SLC25A18: variants seen among roughly 807,000 people sequenced by gnomAD.
SLC25A18 encodes solute carrier family 25 member 18, also known as mitochondrial glutamate carrier 2.
In SLC25A18, 24 loss-of-function variants were observed where a neutral mutation model predicts 31.1. The ratio of observed to expected loss-of-function variants is 0.77; its 90% confidence interval spans 0.56 to 1.08. The LOEUF is 1.08. Ranked by LOEUF, SLC25A18 falls within the 50% of genes least tolerant of loss-of-function variation. The pLI, the probability that SLC25A18 is intolerant of heterozygous loss-of-function variation, is 0.00. For synonymous variants in SLC25A18, 173 were observed against 161.9 expected, an observed-to-expected ratio of 1.07 and a Z score of -0.52; for missense variants, 371 against 418.5, an observed-to-expected ratio of 0.89 and a Z score of 0.99.
intron 5 of SLC25A18, chr22:17,581,655 T>C: frequency 1.9e-6 from 1 of 530,286 alleles, no homozygotes. Flanking sequence ...CCTCCCTACC[T>C]GCCTGCCTCT....
chr22:17,565,407 G>T (rs2056910624), intron 1 of SLC25A18, among the ~76,000 whole-genome samples: 1 of 151,822 alleles, frequency 6.6e-6, no homozygotes, highest in Admixed American at 6.6e-5. Flanking sequence ...AATAGAGATA[G>T]GGTCTTGCCA....
In SLC25A18 at chr22:17,581,557, G is replaced by A. The variant is rs927925276; in HGVS notation, c.199+144G>A. The A allele has an allele frequency of 1.8e-4, 153 of 872,368 alleles. 1 individual carries two copies. The highest frequency in any genetic ancestry group is 2.4e-4 in the Non-Finnish European group (133 of 564,186). The allele number at this position is 872,368 out of a possible 1,614,324, so 54.0% of individuals were successfully genotyped here. A position where few individuals can be genotyped will look rare whatever the true frequency, so the allele number is the denominator to read the frequency against. On this transcript the variant is annotated intron_variant, in intron 5 of 10. Transcript: ENST00000327451. ...TGATGAGCCTCTGTGCTCTTGGGTG[G>A]AGACAGAGGCAGCTCTGGGTCCTGG...
intron 9 of SLC25A18, 141 bp downstream of exon 9, chr22:17,588,220 G>A: frequency 1.1e-6 from 1 of 921,748 alleles, no homozygotes; most frequent in Non-Finnish European, 1.6e-6. Flanking sequence ...CATGGAGAAA[G>A]TGGGTCCCAA....
At chr22:17,566,120 A>G (rs1480583805) in intron 1 of SLC25A18, among the ~76,000 whole-genome samples, 1 of 152,088 alleles carries the variant, frequency 6.6e-6, no homozygotes, top group African/African-American at 2.4e-5. Context: ...TTTTTGAACC[A>G]TGCTTGTGGG....
intron 7 of SLC25A18, chr22:17,585,227 C>T (rs1241187549): frequency 6.6e-6 from 1 of 151,654 alleles, no homozygotes; most frequent in East Asian, 1.9e-4. Context: ...CCCATCTCTA[C>T]TAAAAATACA....
At position 17,581,367 on chromosome 22, in the gene SLC25A18, C is replaced by T. The variant is rs749908311; in HGVS notation, c.153C>T (p.Cys51=). 3 of 1,614,090 alleles carry T rather than the reference C, an allele frequency of 1.9e-6. No homozygotes were observed. Among genetic ancestry groups the T allele is most frequent in the Admixed American group, 3.3e-5 (2 of 60,010 alleles). ...TGGCCTCTGCTTCCAGGATCGACTG[C>T]CTGATGAAGACGGCTCGGGCGGAGG... ...GKAMYKGMID[C]LMKTARAEGF... is the part of the protein sequence containing the mutation. The change falls in exon 5 of 11, where the codon TGC becomes TGT. Residue 51 remains cysteine (C), a synonymous_variant. Transcript: ENST00000327451.
chr22:17,568,167 A>T (rs1319214620), intron 1 of SLC25A18, among the ~76,000 whole-genome samples: 1 of 151,962 alleles, frequency 6.6e-6, no homozygotes, highest in Non-Finnish European at 1.5e-5. Context: ...GATCAAGACC[A>T]TCCTGGCTAA....
chr22:17,569,115 T>TAG lies in SLC25A18; in HGVS notation c.-263-809_-263-808insAG, dbSNP rs1246911959. 2.6e-5 allele frequency among the ~76,000 whole-genome samples: 4 copies of TAG among 151,204 alleles called. No individual in the cohort carries two copies. The East Asian group carries it at 8.0e-4, about 30-fold the overall frequency. ...GCTCCGCCTCCTGGGTTCACGCCAT[T>TAG]CTCCTGCCTCCGCATCCCGAGTAGC... On this transcript the variant is annotated intron_variant, in intron 1 of 10. Transcript: ENST00000327451.
intron 2 of SLC25A18, among the ~76,000 whole-genome samples, chr22:17,572,497 A>AG (rs1236327327): frequency 6.6e-6 from 1 of 151,128 alleles, no homozygotes; most frequent in Non-Finnish European, 1.5e-5. Context: ...AAAAAAAAAA[A>AG]AAGAATCACT....
intron 7 of SLC25A18, among the ~76,000 whole-genome samples, chr22:17,586,021 G>C (rs2057540437): frequency 6.6e-6 from 1 of 152,118 alleles, no homozygotes; most frequent in South Asian, 2.1e-4. Context: ...CAAATGATAG[G>C]CTCTGAATGA....
rs1477615956 is a variant in SLC25A18, at chr22:17,584,796, A to AT, written c.409+1262_409+1263insT. ...GAATTCATCTCAAAAAAAAAAAAAA[A>AT]AAAAAAAAAAAAGAAATGCCAATGA... On this transcript the variant is annotated intron_variant, in intron 7 of 10. Coordinates refer to ENST00000327451, the MANE Select transcript of SLC25A18 (RefSeq NM_031481.3). 1.6e-3 allele frequency among the ~76,000 whole-genome samples: 237 copies of AT among 151,300 alleles called. 1 individual carries two copies. The highest frequency in any genetic ancestry group is 4.1e-3 in the African/African-American group (170 of 41,244).
intron 7 of SLC25A18, among the ~76,000 whole-genome samples, chr22:17,584,998 G>T (rs945078011): frequency 6.6e-5 from 10 of 151,838 alleles, no homozygotes; most frequent in African/African-American, 2.2e-4. Flanking sequence ...TTGGTTCAGC[G>T]TGGTACACTC....
chr22:17,564,113 A>G (rs2146194493), intron 1 of SLC25A18, among the ~76,000 whole-genome samples: 1 of 152,248 alleles, frequency 6.6e-6, no homozygotes, highest in Admixed American at 6.5e-5. Context: ...TAAGACGAAG[A>G]CTGTGTAATT....
chr22:17,585,650 A>ATTTTTTTT (rs143835144), intron 7 of SLC25A18, among the ~76,000 whole-genome samples: 4 of 137,224 alleles, frequency 2.9e-5, no homozygotes, highest in African/African-American at 1.1e-4. Context: ...TATTATTATT[A>ATTTTTTTT]TTTTTTTTTT....
rs550619063 is a variant in SLC25A18, at chr22:17,584,427, G to A, written c.409+893G>A. Among the ~76,000 whole-genome samples, 351 of 131,004 alleles carry A rather than the reference G, an allele frequency of 2.7e-3. 1 individual carries two copies. The highest frequency in any genetic ancestry group is 3.8e-3 in the Middle Eastern group (1 of 262). The allele number at this position is 131,004 out of a possible 152,430, so 85.9% of individuals were successfully genotyped here. A position where few individuals can be genotyped will look rare whatever the true frequency, so the allele number is the denominator to read the frequency against. On this transcript the variant is annotated intron_variant, in intron 7 of 10. Coordinates refer to ENST00000327451, the MANE Select transcript of SLC25A18 (RefSeq NM_031481.3). ...AGAAAGAAAGAAAGAAAGAAAGAAG[G>A]AAGGAAGGAAGGAAGGAAGGAGAGA...
chr22:17,589,959 C>T (rs1417767584), intron 10 of SLC25A18, 136 bp from the exon 11 acceptor site: 7 of 1,278,736 alleles, frequency 5.5e-6, no homozygotes, highest in African/African-American at 3.0e-5. Flanking sequence ...GCACAGCTCC[C>T]ACACCGTTGG....
rs946852977 is a variant in SLC25A18 at position 17,587,404 on chromosome 22, C to T, written c.575+103C>T. On this transcript the variant is annotated intron_variant, in intron 8 of 10. Transcript: ENST00000327451. Reference sequence around the variant, plus strand: ...GCCTCTGTGTCCTTCCCAGAATATCCAAACCCAGGTGAGCAAACGATTTCC... The same window carrying T: ...GCCTCTGTGTCCTTCCCAGAATATCTAAACCCAGGTGAGCAAACGATTTCC... 8 of 1,403,954 alleles carry T rather than the reference C, an allele frequency of 5.7e-6. No individual in the cohort carries two copies. The African/African-American group carries it at 1.0e-4, about 18-fold the overall frequency. The allele number at this position is 1,403,954 out of a possible 1,614,324, so 87.0% of individuals were successfully genotyped here.
chr22:17,589,471 C>T (rs1022259917), intron 9 of SLC25A18, 119 bp from the exon 10 acceptor site: 14 of 827,930 alleles, frequency 1.7e-5, no homozygotes, highest in South Asian at 4.8e-5. Context: ...CCACTGCGCC[C>T]GGCCTATGAG....
chr22:17,589,964 C>G (rs776054048), intron 10 of SLC25A18, 131 bp from the exon 11 acceptor site: 6 of 1,312,878 alleles, frequency 4.6e-6, no homozygotes, highest in Non-Finnish European at 6.3e-6. Flanking sequence ...GCTCCCACAC[C>G]GTTGGCCTCT....
Sources: gnomAD v4.1 joint callset for allele counts (sites outside exome capture counted in the v4.1 genomes callset) on GRCh38, gnomAD v4.1.1 for gene constraint, MANE v1.5 for transcripts, NCBI Gene and HGNC (gene_info 2026-07-23, HGNC 2026-07-21) for gene names.